The following ANKS1B variants were observed in gnomAD, a reference collection of about 807,000 sequenced individuals.
ANKS1B encodes ankyrin repeat and sterile alpha motif domain containing 1B, also known as ankyrin repeat and sterile alpha motif domain-containing protein 1B.
Under a neutral mutation model 148.3 loss-of-function variants are expected in ANKS1B, and 36 were observed. The ratio of observed to expected loss-of-function variants is 0.24; its 90% CI spans 0.19 to 0.32. The LOEUF is 0.32. Among genes scored for constraint, ANKS1B ranks in the 10% least tolerant of loss-of-function variants. The pLI is 1.00. For synonymous variants in ANKS1B, 542 were observed against 560.8 expected (o/e 0.97, Z 0.47); for missense variants, 1,157 against 1,542.6 (o/e 0.75, Z 4.19).
rs559928509 is a variant in ANKS1B at position 99,471,382 on chromosome 12, TA to T, written c.1439-27574del. On this transcript the variant is annotated intron_variant, in intron 10 of 26. Transcript: ENST00000683438. Reference sequence around the variant, plus strand: ...AACTTTGGAAGCCCAGAGTCCTGTTTAAAAAAAAAATTAGATGTCACAAAAG... The same window carrying T: ...AACTTTGGAAGCCCAGAGTCCTGTTTAAAAAAAAATTAGATGTCACAAAAG... Among the ~76,000 whole-genome samples the T allele has an allele frequency of 6.6e-4, 100 of 150,522 alleles. 1 individual carries two copies. In the East Asian group the frequency reaches 7.4e-3, roughly 11 times the overall value.
intron 1 of ANKS1B, among the ~76,000 whole-genome samples, chr12:99,959,356 C>T (rs146933992): frequency 6.6e-6 from 1 of 150,568 alleles, no homozygotes; most frequent in East Asian, 2.0e-4. Context: ...GGATTACAGG[C>T]GTGAGCCACC....
intron 4 of ANKS1B, among the ~76,000 whole-genome samples, chr12:99,795,846 G>A (rs758804459): frequency 6.5e-4 from 99 of 151,932 alleles, no homozygotes; most frequent in Non-Finnish European, 5.2e-4. Context: ...AGCACTTACC[G>A]TGCACTATAG....
At chr12:99,018,753 G>A (rs2099944011) in intron 17 of ANKS1B, among the ~76,000 whole-genome samples, 1 of 152,082 alleles carries the variant, frequency 6.6e-6, no homozygotes, top group Non-Finnish European at 1.5e-5. Context: ...AACCAGCCTG[G>A]CCAACATGGT....
intron 9 of ANKS1B, among the ~76,000 whole-genome samples, chr12:99,579,199 C>T (rs952625902): frequency 1.3e-5 from 2 of 152,036 alleles, no homozygotes; most frequent in African/African-American, 4.8e-5. Flanking sequence ...AAAGTCAACT[C>T]GAGTTGGATT....
chr12:98,799,574 G>A (rs2098982706), intron 21 of ANKS1B, among the ~76,000 whole-genome samples: 1 of 152,040 alleles, frequency 6.6e-6, no homozygotes, highest in Non-Finnish European at 1.5e-5. Flanking sequence ...TTTCCCAGGG[G>A]AAGAGAGCTG....
At chr12:99,783,009 T>C (rs1029910800) in intron 4 of ANKS1B, among the ~76,000 whole-genome samples, 1 of 151,848 alleles carries the variant, frequency 6.6e-6, no homozygotes, top group Non-Finnish European at 1.5e-5. Flanking sequence ...ACCAACATGG[T>C]GAAACCCCAT....
chr12:99,506,523 TG>T (rs974295356), intron 9 of ANKS1B, among the ~76,000 whole-genome samples: 5 of 151,980 alleles, frequency 3.3e-5, no homozygotes, highest in African/African-American at 1.2e-4. Flanking sequence ...TCTGAAACCA[TG>T]TCAGAGAAGA....
At chr12:99,215,991 C>A (rs955671615) in intron 14 of ANKS1B, among the ~76,000 whole-genome samples, 2 of 152,146 alleles carry the variant, frequency 1.3e-5, no homozygotes, top group African/African-American at 2.4e-5. Flanking sequence ...CTCCCATAAT[C>A]CCCATGTGTC....
Position 99,465,903 on chromosome 12 carries a change from G to A in ANKS1B, c.1439-22094C>T, listed in dbSNP as rs2096099275. On this transcript the variant is annotated intron_variant, in intron 10 of 26. Transcript: ENST00000683438. ...GATCAACGAGACAGAAAGTTAACAAGAATACCCAGGAATTGAACCCAGCTC... is the reference window on the plus strand; with the variant it reads ...GATCAACGAGACAGAAAGTTAACAAAAATACCCAGGAATTGAACCCAGCTC... 2.0e-5 allele frequency among the ~76,000 whole-genome samples: 3 copies of A among 152,024 alleles called. No individual in the cohort carries two copies. The South Asian group carries it at 6.2e-4, about 32-fold the overall frequency.
At chr12:99,676,942 G>A (rs1389470095) in intron 8 of ANKS1B, among the ~76,000 whole-genome samples, 2 of 152,198 alleles carry the variant, frequency 1.3e-5, no homozygotes, top group African/African-American at 2.4e-5. Context: ...GAAGGAGAAT[G>A]TGTTGTGAGA....
intron 8 of ANKS1B, among the ~76,000 whole-genome samples, chr12:99,659,612 T>A (rs992761667): frequency 3.3e-5 from 5 of 152,022 alleles, no homozygotes; most frequent in African/African-American, 9.7e-5. Flanking sequence ...GAAATGGGAT[T>A]TCCCTGTGAG....
At chr12:99,539,706 A>T (rs2097106819) in intron 9 of ANKS1B, among the ~76,000 whole-genome samples, 1 of 151,942 alleles carries the variant, frequency 6.6e-6, no homozygotes, top group African/African-American at 2.4e-5. Context: ...AGCAGAATGG[A>T]CTCTTCTGTT....
rs1182264550 is a variant in ANKS1B, at chr12:98,769,165, C to CTTTTT, written c.3579+3872_3579+3876dup. Among the ~76,000 whole-genome samples, 168 of 41,244 alleles carry CTTTTT rather than the reference C, an allele frequency of 4.1e-3. 11 individuals are homozygous for CTTTTT. The highest frequency in any genetic ancestry group is 0.011 in the South Asian group (6 of 560). 27.1% of individuals were successfully genotyped at this position (41,244 alleles called of 152,430 possible). ...TTGAGGTATTATAGGGTCTTCTTTA[C>CTTTTT]TTTTTTTTTTTTTTTTTTTTTTTTT... On this transcript the variant is annotated intron_variant, in intron 25 of 26. Coordinates refer to ENST00000683438, the MANE Select transcript of ANKS1B (RefSeq NM_001352186.2).
intron 8 of ANKS1B, among the ~76,000 whole-genome samples, chr12:99,756,619 G>A (rs747447190): frequency 5.3e-5 from 8 of 151,884 alleles, no homozygotes; most frequent in Non-Finnish European, 1.0e-4. Context: ...AAATATCCAA[G>A]GCAATTCTAA....
chr12:99,618,255 G>C (rs1032520873), intron 9 of ANKS1B, among the ~76,000 whole-genome samples: 3 of 152,108 alleles, frequency 2.0e-5, no homozygotes, highest in Non-Finnish European at 2.9e-5. Flanking sequence ...GCTTTTGTAT[G>C]TATAAGGACA....
At chr12:98,792,271 T>C (rs1053848496) in intron 22 of ANKS1B, among the ~76,000 whole-genome samples, 2 of 152,230 alleles carry the variant, frequency 1.3e-5, no homozygotes, top group African/African-American at 4.8e-5. Flanking sequence ...CTCATCTTAG[T>C]TGAAAACAGA....
chr12:99,043,536 A>G (rs1442145039), intron 17 of ANKS1B, among the ~76,000 whole-genome samples: 1 of 152,230 alleles, frequency 6.6e-6, no homozygotes, highest in African/African-American at 2.4e-5. Flanking sequence ...TGCCAGGCAT[A>G]AGGCTTGTAA....
At chr12:98,841,026 T>C (rs1053018427) in intron 17 of ANKS1B, among the ~76,000 whole-genome samples, 4 of 152,156 alleles carry the variant, frequency 2.6e-5, no homozygotes, top group African/African-American at 9.7e-5. Flanking sequence ...GTACTATGAA[T>C]ACATAAAAAT....
At chr12:99,274,321 G>A (rs559349823) in intron 12 of ANKS1B, among the ~76,000 whole-genome samples, 1 of 152,142 alleles carries the variant, frequency 6.6e-6, no homozygotes, top group South Asian at 2.1e-4. Flanking sequence ...TGAACAGTCT[G>A]TTCTTTTACT....
Sources: gnomAD v4.1 joint callset for allele counts (sites outside exome capture counted in the v4.1 genomes callset) on GRCh38, gnomAD v4.1.1 for gene constraint, MANE v1.5 for transcripts, NCBI Gene and HGNC (gene_info 2026-07-23, HGNC 2026-07-21) for gene names.